The following ETFA variants were observed in gnomAD, a reference collection of about 807,000 sequenced individuals.
ETFA encodes electron transfer flavoprotein subunit alpha, mitochondrial.
Under a neutral mutation model 46.2 loss-of-function variants are expected in ETFA, and 22 were observed. The ratio of observed to expected loss-of-function variants is 0.48; its 90% CI spans 0.34 to 0.68. The LOEUF (loss-of-function observed/expected upper bound fraction) is 0.68. Ranked by LOEUF, ETFA falls within the 30% of genes least tolerant of loss-of-function variation. The probability of loss-of-function intolerance (pLI) is 0.01; values close to 1 mark genes in which losing one functional copy is unlikely to be tolerated. For missense variants in ETFA, 345 were observed against 401.1 expected, an observed-to-expected ratio of 0.86 and a Z score of 1.19; for synonymous variants, 131 against 139.9, an observed-to-expected ratio of 0.94 and a Z score of 0.45.
At chr15:76,230,245 G>C (rs1347217197) in intron 10 of ETFA, 3 of 10,318 alleles carry the variant, frequency 2.9e-4, no homozygotes, top group African/African-American at 1.6e-3. Flanking sequence ...TTTTTTTTTT[G>C]AGACGGAGTC....
At chr15:76,282,852 A>C (rs1273591223) in intron 8 of ETFA, among the ~76,000 whole-genome samples, 1 of 152,136 alleles carries the variant, frequency 6.6e-6, no homozygotes, top group African/African-American at 2.4e-5. Context: ...ACAGGGTCTC[A>C]ATTAGGTTGC....
chr15:76,283,380 T>TG (rs1480842851), intron 8 of ETFA, among the ~76,000 whole-genome samples: 2 of 152,008 alleles, frequency 1.3e-5, no homozygotes, highest in Non-Finnish European at 2.9e-5. Context: ...TTTGTAGAGA[T>TG]GGGGTCTCAC....
At chr15:76,272,795 T>C (rs2039551270) in intron 9 of ETFA, among the ~76,000 whole-genome samples, 1 of 137,188 alleles carries the variant, frequency 7.3e-6, no homozygotes, top group African/African-American at 2.6e-5. Flanking sequence ...AGCAAGACCC[T>C]GTCTCTTAAA....
intron 9 of ETFA, among the ~76,000 whole-genome samples, chr15:76,251,008 T>C (rs1364893898): frequency 6.6e-6 from 1 of 151,512 alleles, no homozygotes; most frequent in Non-Finnish European, 1.5e-5. Context: ...AATTTATATA[T>C]AAACTTTTAA....
intron 8 of ETFA, among the ~76,000 whole-genome samples, chr15:76,281,071 T>C (rs911043600): frequency 2.6e-5 from 4 of 152,214 alleles, no homozygotes; most frequent in African/African-American, 9.6e-5. Flanking sequence ...CGTGCCACCA[T>C]ACCCATCTAA....
At chr15:76,227,627 G>A in intron 10 of ETFA, 2 of 355,934 alleles carry the variant, frequency 5.6e-6, no homozygotes, top group Non-Finnish European at 1.1e-5. Flanking sequence ...CACCACTGCA[G>A]TTAGACTCTA....
chr15:76,266,575 A>C (rs2039472475), intron 9 of ETFA, among the ~76,000 whole-genome samples: 1 of 152,208 alleles, frequency 6.6e-6, no homozygotes, highest in African/African-American at 2.4e-5. Flanking sequence ...AATATCAAGG[A>C]ATGAAGTTAG....
At chr15:76,247,545 C>A (rs934003764) in intron 9 of ETFA, among the ~76,000 whole-genome samples, 1 of 152,166 alleles carries the variant, frequency 6.6e-6, no homozygotes, top group African/African-American at 2.4e-5. Flanking sequence ...TGATAACAGC[C>A]CCTTCTCCCA....
Position 76,295,681 on chromosome 15 carries a change from G to C in ETFA, c.96C>G (p.Ser32=). 6.2e-7 allele frequency: 1 copy of C among 1,613,114 alleles called. No individual in the cohort carries two copies. Among genetic ancestry groups the C allele is most frequent in the Non-Finnish European group, 8.5e-7 (1 of 1,179,594 alleles). ...TLVIAEHAND[S]LAPITLNTIT... ...TGGTATTTAAAGTAATGGGTGCTAG[G>C]GAATCATTTGCATGCTCAGCTATTA... is the stretch of plus-strand genomic sequence containing the variant. The change falls in exon 2 of 12, where the codon TCC becomes TCG. Residue 32 remains serine, a synonymous_variant. Transcript: ENST00000557943.
chr15:76,223,035 A>G lies in ETFA; in HGVS notation c.963+2814T>C, dbSNP rs372636819. ...TTTTTTGTAGAGATGGGGTTTCACCATGTTGCTCAGGCTGGTCTCCTACTC... is the reference window on the plus strand; with the variant it reads ...TTTTTTGTAGAGATGGGGTTTCACCGTGTTGCTCAGGCTGGTCTCCTACTC... On this transcript the variant is annotated intron_variant, in intron 11 of 11. Coordinates refer to ENST00000557943, the MANE Select transcript of ETFA (RefSeq NM_000126.4). Among the ~76,000 whole-genome samples the G allele has an allele frequency of 2.4e-3, 372 of 151,998 alleles. 2 individuals carry two copies. The highest frequency in any genetic ancestry group is 8.5e-3 in the African/African-American group (353 of 41,460).
At chr15:76,260,645 G>A in intron 9 of ETFA, 1 of 1,546,430 alleles carries the variant, frequency 6.5e-7, no homozygotes, top group Non-Finnish European at 8.9e-7. Context: ...AGGGTCCCAG[G>A]GGGCCTTCCA....
chr15:76,258,994 T>C, intron 9 of ETFA: 1 of 1,604,630 alleles, frequency 6.2e-7, no homozygotes, highest in South Asian at 1.1e-5. Context: ...AGCTAACAGC[T>C]ATTGTGTGGC....
At chr15:76,226,038 A>G (rs1253608956) in intron 10 of ETFA, 109 bp from the exon 11 acceptor site, 1 of 727,216 alleles carries the variant, frequency 1.4e-6, no homozygotes, top group Non-Finnish European at 2.4e-6. Context: ...TGTCTACCAA[A>G]TAAGATTTGA....
chr15:76,253,360 T>A (rs546450275), intron 9 of ETFA, among the ~76,000 whole-genome samples: 2 of 152,310 alleles, frequency 1.3e-5, no homozygotes, highest in East Asian at 3.9e-4. Flanking sequence ...TTTTTTCAAA[T>A]TAATAAAATA....
intron 4 of ETFA, among the ~76,000 whole-genome samples, chr15:76,290,712 A>AT (rs1337214738): frequency 6.6e-6 from 1 of 152,172 alleles, no homozygotes; most frequent in African/African-American, 2.4e-5. Context: ...AGAAGTAAAA[A>AT]ATATATAGCT....
At chr15:76,291,976 A>G (rs986011069) in intron 4 of ETFA, among the ~76,000 whole-genome samples, 1 of 152,130 alleles carries the variant, frequency 6.6e-6, no homozygotes, top group Admixed American at 6.5e-5. Flanking sequence ...CACAATGCAC[A>G]TGATCAGATT....
intron 9 of ETFA, among the ~76,000 whole-genome samples, chr15:76,272,222 C>CT (rs561675037): frequency 0.14 from 19,859 of 137,252 alleles, 1,638 homozygotes; most frequent in African/African-American, 0.22. Flanking sequence ...TTCTTTCTTT[C>CT]TTTTTTTTTT....
intron 1 of ETFA, among the ~76,000 whole-genome samples, chr15:76,307,512 C>T (rs1462314312): frequency 6.7e-6 from 1 of 149,346 alleles, no homozygotes; most frequent in East Asian, 1.9e-4. Flanking sequence ...TTTGAAACAG[C>T]GTCTCACTCT....
At chr15:76,305,512 T>C (rs1349732874) in intron 1 of ETFA, among the ~76,000 whole-genome samples, 1 of 152,260 alleles carries the variant, frequency 6.6e-6, no homozygotes, top group Non-Finnish European at 1.5e-5. Context: ...AGAAGTTCTC[T>C]ATACTCTGTT....
Sources: gnomAD v4.1 joint callset for allele counts (sites outside exome capture counted in the v4.1 genomes callset) on GRCh38, gnomAD v4.1.1 for gene constraint, MANE v1.5 for transcripts, NCBI Gene and HGNC (gene_info 2026-07-23, HGNC 2026-07-21) for gene names.